RERE: variants seen among roughly 807,000 people sequenced by gnomAD.
RERE encodes arginine-glutamic acid dipeptide repeats protein.
Under a neutral mutation model 146.1 loss-of-function variants are expected in RERE, and 40 were observed. The observed-to-expected ratio is 0.27, with a 90% CI of 0.21 to 0.36. The LOEUF (loss-of-function observed/expected upper bound fraction) is 0.36, where lower values mean the gene tolerates loss of function less well. Ranked by LOEUF, RERE falls within the 10% of genes least tolerant of loss-of-function variation. The probability of loss-of-function intolerance (pLI) is 1.00; values close to 1 mark genes in which losing one functional copy is unlikely to be tolerated. For synonymous variants in RERE, 1,003 were observed against 866.0 expected, an observed-to-expected ratio of 1.16 and a Z score of -2.78; for missense variants, 1,933 against 2,138.7, an observed-to-expected ratio of 0.90 and a Z score of 1.90.
intron 4 of RERE, among the ~76,000 whole-genome samples, chr1:8,601,630 A>ACACACC (rs1646628110): frequency 1.2e-5 from 1 of 84,060 alleles, no homozygotes; most frequent in East Asian, 3.0e-4. Flanking sequence ...AGGTCACCAC[A>ACACACC]CACACACACA....
At chr1:8,811,366 G>A (rs530000064) in intron 1 of RERE, among the ~76,000 whole-genome samples, 27 of 152,296 alleles carry the variant, frequency 1.8e-4, no homozygotes, top group African/African-American at 6.3e-4. Context: ...TAGGACTTTG[G>A]GTGGCCAAGG....
intron 12 of RERE, among the ~76,000 whole-genome samples, chr1:8,371,927 C>G (rs1370348269): frequency 1.3e-5 from 2 of 152,196 alleles, no homozygotes; most frequent in African/African-American, 2.4e-5. Context: ...CAGATGTGAG[C>G]AGGGTCTCCT....
chr1:8,631,315 C>T (rs531247112), intron 2 of RERE, among the ~76,000 whole-genome samples: 2 of 152,300 alleles, frequency 1.3e-5, no homozygotes, highest in South Asian at 4.1e-4. Flanking sequence ...CAGAGGACTG[C>T]CTGTGCCCTG....
At position 8,423,804 on chromosome 1, in the gene RERE, C is replaced by CG. The variant is rs1036995143; in HGVS notation, c.1204-998dup. The CG allele has an allele frequency of 6.7e-6, 4 of 595,458 alleles. No homozygotes were observed. The African/African-American group carries it at 8.2e-5, about 12-fold the overall frequency. 36.9% of individuals were successfully genotyped at this position (595,458 alleles called of 1,614,324 possible). On this transcript the variant is annotated intron_variant, in intron 11 of 22. Coordinates refer to ENST00000400908, the MANE Select transcript of RERE (RefSeq NM_001042681.2). The surrounding 1 kb of genome is among the most constrained non-coding windows in gnomAD (Gnocchi z 5.4). ...AGGCAGGAGCGCGGCGCGCAGAGCC[C>CG]GGCGCGGCCGCGGGCGGCTGCAAAA...
intron 12 of RERE, among the ~76,000 whole-genome samples, chr1:8,384,176 T>A (rs1018381898): frequency 1.3e-5 from 2 of 152,204 alleles, no homozygotes; most frequent in Admixed American, 6.5e-5. Flanking sequence ...GGTCTTACTG[T>A]TTATTCCACA....
Position 8,360,434 on chromosome 1 carries a change from G to A in RERE, c.3073C>T (p.Leu1025Phe), listed in dbSNP as rs1641516039. 2.7e-6 allele frequency: 2 copies of A among 747,538 alleles called. No homozygotes were observed. The highest frequency in any genetic ancestry group is 1.8e-6 in the Non-Finnish European group (1 of 544,654). The allele number at this position is 747,538 out of a possible 1,614,324, so 46.3% of individuals were successfully genotyped here. A position where few individuals can be genotyped will look rare whatever the true frequency, so the allele number is the denominator to read the frequency against. Residue 1025 changes from leucine to phenylalanine, a missense_variant, in exon 18 of 23, where the codon CTC becomes TTC. Around this residue, in one of 11 missense-constraint regions of RERE, gnomAD observed 1,255 missense variants for 1,153.8 expected, o/e 1.09. Coordinates refer to ENST00000400908, the MANE Select transcript of RERE (RefSeq NM_001042681.2). ...GGGGGTTGGGGGGCCACCTGGTGGA[G>A]GCCTGTAGGGGGGTGGGAGGCAGGG... Reference protein sequence around the residue: ...PPPASHPPTGLHQVAPQPPFA... With the variant: ...PPPASHPPTGFHQVAPQPPFA...
intron 1 of RERE, among the ~76,000 whole-genome samples, chr1:8,733,344 A>G (rs1640130008): frequency 6.6e-6 from 1 of 152,170 alleles, no homozygotes; most frequent in Non-Finnish European, 1.5e-5. Context: ...TCTAAATTTT[A>G]TTATTCTATT....
chr1:8,571,228 A>G (rs1646217665), intron 4 of RERE, among the ~76,000 whole-genome samples: 1 of 152,216 alleles, frequency 6.6e-6, no homozygotes, highest in African/African-American at 2.4e-5. Context: ...TTTAAGAAAA[A>G]GAAAGATATT....
chr1:8,360,631 A>G lies in RERE; in HGVS notation c.2876T>C (p.Met959Thr). 2 of 1,510,276 alleles carry G rather than the reference A, an allele frequency of 1.3e-6. No individual in the cohort carries two copies. The highest frequency in any genetic ancestry group is 1.8e-6 in the Non-Finnish European group (2 of 1,132,320). The allele number at this position is 1,510,276 out of a possible 1,614,324, so 93.6% of individuals were successfully genotyped here. ...TGGAGGGGGAGGCAGGTTGGCATTC[A>G]TGGAGAAGGGTGAGGGCCCCGAGAG... The part of the protein sequence containing the change: ...PHLSGPSPFS[M>T]NANLPPPPAL... Residue 959 changes from methionine to threonine, a missense_variant, in exon 18 of 23, where the codon ATG (methionine) becomes ACG (threonine). This residue lies in a region of RERE where 1,255 missense variants were observed against 1,153.8 expected (regional missense o/e 1.09). Coordinates refer to ENST00000400908, the MANE Select transcript of RERE (RefSeq NM_001042681.2).
intron 8 of RERE, among the ~76,000 whole-genome samples, chr1:8,506,593 T>C (rs1645252891): frequency 6.6e-6 from 1 of 152,222 alleles, no homozygotes; most frequent in Non-Finnish European, 1.5e-5. Flanking sequence ...TCTTTAGACA[T>C]GATGGCCTTA....
intron 15 of RERE, among the ~76,000 whole-genome samples, chr1:8,363,530 A>G (rs1027344839): frequency 3.3e-5 from 5 of 152,080 alleles, no homozygotes; most frequent in Non-Finnish European, 7.4e-5. Flanking sequence ...GAAGGGAAAG[A>G]CCCTGTCAGT....
At chr1:8,453,494 C>A (rs1441484637) in intron 11 of RERE, among the ~76,000 whole-genome samples, 3 of 152,150 alleles carry the variant, frequency 2.0e-5, no homozygotes, top group African/African-American at 7.2e-5. Context: ...CAACCAGTTT[C>A]CCAAACCTTT....
At position 8,541,328 on chromosome 1, in the gene RERE, A is replaced by G. The variant is rs776452043; in HGVS notation, c.726-10T>C. ...GATGTTACACTTCCCTCTGGGAAAAAGAGAAAAAAATAATTAGTAATACCC... is the reference window on the plus strand; with the variant it reads ...GATGTTACACTTCCCTCTGGGAAAAGGAGAAAAAAATAATTAGTAATACCC... On this transcript the variant is annotated splice_polypyrimidine_tract_variant and intron_variant, in intron 6 of 22. Coordinates refer to ENST00000400908, the MANE Select transcript of RERE (RefSeq NM_001042681.2). 1.3e-5 allele frequency: 20 copies of G among 1,562,984 alleles called. 2 individuals carry two copies. In the Middle Eastern group the frequency reaches 2.5e-3, roughly 196 times the overall value.
At chr1:8,770,728 C>G (rs1320145967) in intron 1 of RERE, among the ~76,000 whole-genome samples, 1 of 152,308 alleles carries the variant, frequency 6.6e-6, no homozygotes, top group South Asian at 2.1e-4. Context: ...TTGGCAATTT[C>G]TACTAAAATC....
chr1:8,410,017 A>C (rs1195733637), intron 12 of RERE, among the ~76,000 whole-genome samples: 1 of 130,362 alleles, frequency 7.7e-6, no homozygotes, highest in Non-Finnish European at 1.6e-5. Context: ...CCGAACATTA[A>C]TGCTTTCTCA....
chr1:8,402,908 CT>C (rs1261449496), intron 12 of RERE, among the ~76,000 whole-genome samples: 1 of 151,712 alleles, frequency 6.6e-6, no homozygotes, highest in Non-Finnish European at 1.5e-5. Context: ...GTTTCTTTCG[CT>C]TTTTTTTGAG....
chr1:8,423,785 G>A lies in RERE; in HGVS notation c.1204-978C>T, dbSNP rs1050048685. ...CCGCCGCTGACGGGGGAGGAGGCAG[G>A]AGCGCGGCGCGCAGAGCCCGGCGCG... On this transcript the variant is annotated intron_variant, in intron 11 of 22. Coordinates refer to ENST00000400908, the MANE Select transcript of RERE (RefSeq NM_001042681.2). The surrounding 1 kb of genome is among the most constrained non-coding windows in gnomAD (Gnocchi z 5.4). 16 of 763,836 alleles carry A rather than the reference G, an allele frequency of 2.1e-5. No homozygotes were observed. In the African/African-American group the frequency reaches 2.9e-4, roughly 14 times the overall value. The allele number at this position is 763,836 out of a possible 1,614,324, so 47.3% of individuals were successfully genotyped here.
chr1:8,364,910 TGGGGGGGA>T lies in RERE; in HGVS notation c.1448-80_1448-73del, dbSNP rs1200182438. 7.9e-3 allele frequency: 214 copies of T among 27,032 alleles called. 8 individuals are homozygous for T. Among genetic ancestry groups the T allele is most frequent in the Middle Eastern group, 0.028 (1 of 36 alleles). 1.7% of individuals were successfully genotyped at this position (27,032 alleles called of 1,614,324 possible). ...CTCAGCCAAGGCTGGGCCGGTGGGG[TGGGGGGGA>T]GGGGGGAACACCTGTGACCTCTGGC... On this transcript the variant is annotated intron_variant, in intron 13 of 22. Coordinates refer to ENST00000400908, the MANE Select transcript of RERE (RefSeq NM_001042681.2). This position sits in a 1 kb window ranked among gnomAD's most constrained non-coding sequence, Gnocchi z 5.1.
chr1:8,517,887 G>A (rs1645442588), intron 7 of RERE, among the ~76,000 whole-genome samples: 1 of 152,154 alleles, frequency 6.6e-6, no homozygotes, highest in South Asian at 2.1e-4. Flanking sequence ...AAAGGAGCAG[G>A]GAGCCTGTAA....
Sources: allele counts gnomAD v4.1 joint callset (sites outside exome capture counted in the v4.1 genomes callset), GRCh38; gene constraint gnomAD v4.1.1; regional missense constraint gnomAD v4.1.1; non-coding constraint Gnocchi (gnomAD v3.1); transcripts MANE v1.5; gene names NCBI Gene and HGNC (gene_info 2026-07-23, HGNC 2026-07-21).